The following PREP variants were observed in gnomAD, a reference collection of about 807,000 sequenced individuals.
PREP encodes the protein prolyl endopeptidase, also known as dJ355L5.1 (prolyl endopeptidase).
PREP carries 29 observed loss-of-function variants against 87.6 expected under a neutral mutation model. The observed-to-expected ratio is 0.33, with a 90% confidence interval of 0.25 to 0.45. The LOEUF is 0.45. Among genes scored for constraint, PREP ranks in the 20% least tolerant of loss-of-function variants. The probability of loss-of-function intolerance (pLI) is 1.00; values close to 1 mark genes in which losing one functional copy is unlikely to be tolerated. For synonymous variants in PREP, 337 were observed against 328.6 expected, an observed-to-expected ratio of 1.03 and a Z score of -0.28; for missense variants, 695 against 886.5, an observed-to-expected ratio of 0.78 and a Z score of 2.74.
At chr6:105,310,179 C>T (rs567674852) in intron 10 of PREP, among the ~76,000 whole-genome samples, 4 of 152,120 alleles carry the variant, frequency 2.6e-5, no homozygotes, top group Non-Finnish European at 2.9e-5. Context: ...GTCAGAGATG[C>T]GTGATTAACG....
chr6:105,329,229 T>C (rs973074866), intron 8 of PREP, among the ~76,000 whole-genome samples: 14 of 151,838 alleles, frequency 9.2e-5, no homozygotes, highest in Non-Finnish European at 1.8e-4. Context: ...CTCAGCTCAC[T>C]GCAACCTCTA....
chr6:105,370,606 A>T (rs879838674), intron 5 of PREP, among the ~76,000 whole-genome samples: 2 of 152,208 alleles, frequency 1.3e-5, no homozygotes, highest in Non-Finnish European at 2.9e-5. Context: ...CATAAGTGCT[A>T]AAACTTGGAA....
chr6:105,317,292 G>A (rs1009205280), intron 10 of PREP, among the ~76,000 whole-genome samples: 2 of 151,938 alleles, frequency 1.3e-5, no homozygotes, highest in African/African-American at 2.4e-5. Context: ...AAAAAATCCT[G>A]AGCTATAGCG....
At chr6:105,307,907 C>G (rs1423582831) in intron 10 of PREP, among the ~76,000 whole-genome samples, 1 of 152,110 alleles carries the variant, frequency 6.6e-6, no homozygotes, top group Non-Finnish European at 1.5e-5. Context: ...GCCACTGCGC[C>G]CGGCCACACT....
chr6:105,394,623 A>C (rs1773241837), intron 2 of PREP, among the ~76,000 whole-genome samples: 1 of 152,248 alleles, frequency 6.6e-6, no homozygotes, highest in Non-Finnish European at 1.5e-5. Flanking sequence ...AACTAGGTAC[A>C]AAATAAATAT....
At chr6:105,344,068 A>T (rs1342298462) in intron 7 of PREP, among the ~76,000 whole-genome samples, 1 of 152,248 alleles carries the variant, frequency 6.6e-6, no homozygotes, top group African/African-American at 2.4e-5. Flanking sequence ...AGACACATGC[A>T]CACGTATGTT....
chr6:105,401,887 C>T (rs1162132956), intron 1 of PREP, among the ~76,000 whole-genome samples: 1 of 152,198 alleles, frequency 6.6e-6, no homozygotes, highest in African/African-American at 2.4e-5. Context: ...AACATTAAAA[C>T]TGTATCACAC....
In PREP at chr6:105,402,903, G is replaced by A. The variant is rs1773473134; in HGVS notation, c.-12C>T. 6.7e-7 allele frequency: 1 copy of A among 1,490,030 alleles called. No homozygotes were observed. The highest frequency in any genetic ancestry group is 9.0e-7 in the Non-Finnish European group (1 of 1,105,528). The allele number at this position is 1,490,030 out of a possible 1,614,324, so 92.3% of individuals were successfully genotyped here. A position where few individuals can be genotyped will look rare whatever the true frequency, so the allele number is the denominator to read the frequency against. On this transcript the variant is annotated 5_prime_UTR_variant, in exon 1 of 15. Coordinates refer to ENST00000652536, the MANE Select transcript of PREP (RefSeq NM_002726.5). ...TGAAGGGACAGCATGGCCGGGGACA[G>A]GCAGGGGGCAGCGTGGAGGGGCGCG...
chr6:105,367,631 C>CA (rs1455102634), intron 6 of PREP, among the ~76,000 whole-genome samples: 3 of 147,682 alleles, frequency 2.0e-5, no homozygotes, highest in Non-Finnish European at 3.0e-5. Context: ...GAGATCCCGC[C>CA]ACTGCGCTCC....
At chr6:105,331,363 A>C (rs552512480) in intron 8 of PREP, among the ~76,000 whole-genome samples, 2 of 152,334 alleles carry the variant, frequency 1.3e-5, no homozygotes, top group African/African-American at 2.4e-5. Flanking sequence ...CATCTATAAG[A>C]TGGGATGTCA....
intron 11 of PREP, 104 bp from the exon 12 acceptor site, chr6:105,285,684 A>G (rs975480353): frequency 1.5e-5 from 13 of 843,182 alleles, no homozygotes; most frequent in Non-Finnish European, 2.6e-5. Flanking sequence ...ACTCTGAGTA[A>G]TATCATCTCA....
chr6:105,351,689 T>G (rs1360097006), intron 7 of PREP, among the ~76,000 whole-genome samples: 1 of 152,236 alleles, frequency 6.6e-6, no homozygotes, highest in Admixed American at 6.5e-5. Flanking sequence ...CCATAATGTC[T>G]GATGTCACTG....
rs1333622093 is a variant in PREP at position 105,387,631 on chromosome 6, AAAAAAGAAAAAGAAAAAG to A, written c.121-10130_121-10113del. On this transcript the variant is annotated intron_variant, in intron 2 of 14. Transcript: ENST00000652536. ...CTAAAAAAAAAAAAAGAAAAAAAGA[AAAAAAGAAAAAGAAAAAG>A]AAAGAAAAAGAAAAAGTCGCAAAAA... is the stretch of plus-strand genomic sequence containing the variant. Among the ~76,000 whole-genome samples, 657 of 138,988 alleles carry A rather than the reference AAAAAAGAAAAAGAAAAAG, an allele frequency of 4.7e-3. 4 individuals carry two copies. Among genetic ancestry groups the A allele is most frequent in the African/African-American group, 0.017 (628 of 36,050 alleles). 91.2% of individuals were successfully genotyped at this position (138,988 alleles called of 152,430 possible).
chr6:105,304,240 G>A lies in PREP; in HGVS notation c.1318-15346C>T, dbSNP rs550348193. The stretch of plus-strand genomic sequence containing the variant: ...ACACAGTCTAGAGATAATCTAAAGT[G>A]TGTGGGAGGACAACCATAGGCTGTA... On this transcript the variant is annotated intron_variant, in intron 10 of 14. Transcript: ENST00000652536. 2.6e-5 allele frequency among the ~76,000 whole-genome samples: 4 copies of A among 152,322 alleles called. No homozygotes were observed. The East Asian group carries it at 5.8e-4, about 22-fold the overall frequency.
At chr6:105,313,176 C>T (rs1034812178) in intron 10 of PREP, among the ~76,000 whole-genome samples, 3 of 152,138 alleles carry the variant, frequency 2.0e-5, no homozygotes, top group Non-Finnish European at 2.9e-5. Flanking sequence ...TTTTTTCCTC[C>T]CTCCTTCACA....
intron 10 of PREP, among the ~76,000 whole-genome samples, chr6:105,308,712 T>G (rs889856969): frequency 5.3e-5 from 8 of 152,172 alleles, no homozygotes; most frequent in African/African-American, 1.9e-4. Context: ...CCAGATCATT[T>G]CAGACTCTAT....
At chr6:105,306,891 T>A (rs1363590073) in intron 10 of PREP, among the ~76,000 whole-genome samples, 2 of 152,148 alleles carry the variant, frequency 1.3e-5, no homozygotes, top group East Asian at 3.9e-4. Context: ...CAGGCTCACA[T>A]GCTATGGGGC....
intron 2 of PREP, among the ~76,000 whole-genome samples, chr6:105,387,077 G>A (rs1282619131): frequency 6.6e-6 from 1 of 152,148 alleles, no homozygotes; most frequent in Non-Finnish European, 1.5e-5. Context: ...GCCAGGTGTG[G>A]AGGCGGATGC....
chr6:105,351,984 T>C (rs1771967894), intron 7 of PREP, among the ~76,000 whole-genome samples: 1 of 152,222 alleles, frequency 6.6e-6, no homozygotes, highest in Non-Finnish European at 1.5e-5. Flanking sequence ...AATGTTAGGA[T>C]GCAGATCTTG....
Sources: gnomAD v4.1 joint callset for allele counts (sites outside exome capture counted in the v4.1 genomes callset) on GRCh38, gnomAD v4.1.1 for gene constraint, MANE v1.5 for transcripts, NCBI Gene and HGNC (gene_info 2026-07-23, HGNC 2026-07-21) for gene names.